Variants in RABGAP1L observed in about 807,000 individuals in gnomAD.
RABGAP1L encodes the protein RAB GTPase activating protein 1 like.
Under a neutral mutation model 137.7 loss-of-function variants are expected in RABGAP1L, and 63 were observed. The ratio of observed to expected loss-of-function variants is 0.46; its 90% confidence interval spans 0.37 to 0.56. The LOEUF (loss-of-function observed/expected upper bound fraction) is 0.56, where lower values mean the gene tolerates loss of function less well. RABGAP1L is among the 20% of genes least tolerant of loss of function. The pLI, the probability that RABGAP1L is intolerant of heterozygous loss-of-function variation, is 0.00. For synonymous variants in RABGAP1L, 431 were observed against 433.7 expected, an observed-to-expected ratio of 0.99 and a Z score of 0.08; for missense variants, 1,095 against 1,244.0, an observed-to-expected ratio of 0.88 and a Z score of 1.80.
chr1:174,491,253 A>G (rs916655470), intron 13 of RABGAP1L, among the ~76,000 whole-genome samples: 9 of 152,016 alleles, frequency 5.9e-5, no homozygotes, highest in Admixed American at 6.6e-5. Flanking sequence ...TGCATTGGTT[A>G]TTCAGGGCCA....
intron 18 of RABGAP1L, among the ~76,000 whole-genome samples, chr1:174,804,274 G>GTTTTTTGGTTTT (rs1553254973): frequency 2.9e-5 from 4 of 138,154 alleles, no homozygotes; most frequent in Non-Finnish European, 1.5e-5. Flanking sequence ...GTTTTGTTTT[G>GTTTTTTGGTTTT]TTTTTTGTTT....
chr1:174,396,662 TAA>T (rs1647899254), intron 13 of RABGAP1L, among the ~76,000 whole-genome samples: 1 of 152,040 alleles, frequency 6.6e-6, no homozygotes, highest in Admixed American at 6.6e-5. Flanking sequence ...CTTTTTTCAC[TAA>T]GAGGCTTTCA....
At chr1:174,899,113 G>A (rs1657709390) in intron 19 of RABGAP1L, among the ~76,000 whole-genome samples, 1 of 152,062 alleles carries the variant, frequency 6.6e-6, no homozygotes, top group Non-Finnish European at 1.5e-5. Flanking sequence ...GAGGCTATGG[G>A]GAAGCGTGTT....
At chr1:174,586,188 G>A (rs543039984) in intron 13 of RABGAP1L, among the ~76,000 whole-genome samples, 1 of 152,120 alleles carries the variant, frequency 6.6e-6, no homozygotes, top group Non-Finnish European at 1.5e-5. Flanking sequence ...TGAATACTAT[G>A]CAGCCATAAA....
At chr1:174,474,823 G>A (rs919581488) in intron 13 of RABGAP1L, among the ~76,000 whole-genome samples, 2 of 151,828 alleles carry the variant, frequency 1.3e-5, no homozygotes, top group Non-Finnish European at 2.9e-5. Flanking sequence ...GGATGGTCTC[G>A]ATCTCTTGAC....
chr1:174,310,194 A>G (rs1678691560), intron 11 of RABGAP1L, among the ~76,000 whole-genome samples: 1 of 152,102 alleles, frequency 6.6e-6, no homozygotes, highest in African/African-American at 2.4e-5. Flanking sequence ...TTTCTGTTGT[A>G]TCAGTTGAAA....
intron 13 of RABGAP1L, among the ~76,000 whole-genome samples, chr1:174,528,317 A>G (rs1664095359): frequency 6.6e-6 from 1 of 151,622 alleles, no homozygotes; most frequent in African/African-American, 2.4e-5. Context: ...ACATTTGCGT[A>G]TTTTCATGAT....
At chr1:174,636,346 C>T (rs1448388854) in intron 13 of RABGAP1L, among the ~76,000 whole-genome samples, 2 of 151,890 alleles carry the variant, frequency 1.3e-5, no homozygotes, top group African/African-American at 4.8e-5. Flanking sequence ...AGTGAAACCC[C>T]ATCTCTACTA....
At chr1:174,609,277 G>A (rs138987187) in intron 13 of RABGAP1L, among the ~76,000 whole-genome samples, 9 of 152,146 alleles carry the variant, frequency 5.9e-5, no homozygotes, top group African/African-American at 1.9e-4. Flanking sequence ...TCCACAAATG[G>A]CAACTTAATA....
chr1:174,433,502 CA>C, intron 13 of RABGAP1L, among the ~76,000 whole-genome samples: 1 of 152,128 alleles, frequency 6.6e-6, no homozygotes, highest in East Asian at 1.9e-4. Flanking sequence ...TGGAACCTCT[CA>C]AAGTTTTTGC....
chr1:174,285,058 C>T (rs1042306470), intron 10 of RABGAP1L, among the ~76,000 whole-genome samples: 5 of 151,842 alleles, frequency 3.3e-5, no homozygotes, highest in Admixed American at 2.0e-4. Context: ...CTCTTGTTGC[C>T]CAGGCTGGAG....
chr1:174,598,505 T>C (rs747676876), intron 13 of RABGAP1L, among the ~76,000 whole-genome samples: 11 of 152,190 alleles, frequency 7.2e-5, no homozygotes, highest in Non-Finnish European at 1.0e-4. Context: ...AAGTGGTATG[T>C]TGAAGTCTCC....
chr1:174,195,681 C>CT (rs1667564662), intron 1 of RABGAP1L, among the ~76,000 whole-genome samples: 1 of 96,198 alleles, frequency 1.0e-5, no homozygotes. Flanking sequence ...TCCTTCTTTC[C>CT]TTCTTTCCTT....
chr1:174,514,118 A>G (rs944216867), intron 13 of RABGAP1L, among the ~76,000 whole-genome samples: 1 of 152,104 alleles, frequency 6.6e-6, no homozygotes, highest in African/African-American at 2.4e-5. Context: ...GCATATGGCT[A>G]TTTAGGAATA....
chr1:174,674,351 C>T (rs1374367931), intron 14 of RABGAP1L, among the ~76,000 whole-genome samples: 1 of 147,460 alleles, frequency 6.8e-6, no homozygotes, highest in Non-Finnish European at 1.5e-5. Flanking sequence ...GGTTTTTTGT[C>T]CTTGCGATAG....
chr1:174,441,504 G>T (rs140850388), intron 13 of RABGAP1L, among the ~76,000 whole-genome samples: 1 of 152,136 alleles, frequency 6.6e-6, no homozygotes, highest in Admixed American at 6.6e-5. Context: ...GGAGGCTGAG[G>T]GGGGTGGATT....
chr1:174,534,132 CTGTG>C (rs35255973), intron 13 of RABGAP1L, among the ~76,000 whole-genome samples: 14,099 of 132,370 alleles, frequency 0.11, 904 homozygotes, highest in African/African-American at 0.18. Context: ...GAGGTCAACT[CTGTG>C]TGTGTGTGTG....
chr1:174,861,282 T>C (rs1055679431), intron 19 of RABGAP1L, among the ~76,000 whole-genome samples: 2 of 152,230 alleles, frequency 1.3e-5, no homozygotes, highest in Non-Finnish European at 2.9e-5. Flanking sequence ...TTCTTTTTTA[T>C]GACTGAATAA....
At chr1:174,694,410 T>G (rs1168400585) in intron 15 of RABGAP1L, among the ~76,000 whole-genome samples, 2 of 149,176 alleles carry the variant, frequency 1.3e-5, no homozygotes, top group African/African-American at 2.5e-5. Context: ...CCATGTGTTC[T>G]CATTGTTCAG....
Sources: allele counts gnomAD v4.1 joint callset (sites outside exome capture counted in the v4.1 genomes callset), GRCh38; gene constraint gnomAD v4.1.1; transcripts MANE v1.5; gene names NCBI Gene and HGNC (gene_info 2026-07-23, HGNC 2026-07-21).